MYH3: variants seen among roughly 807,000 people sequenced by gnomAD.
The protein encoded by MYH3 is myosin heavy chain 3.
A neutral mutation model predicts 238.0 loss-of-function variants in MYH3; 130 were observed. The observed-to-expected ratio is 0.55, with a 90% confidence interval of 0.47 to 0.63. MYH3 has a LOEUF of 0.63. MYH3 is among the 30% of genes least tolerant of loss of function. MYH3 has a pLI of 0.00. For synonymous variants in MYH3, 880 were observed against 924.1 expected, an observed-to-expected ratio of 0.95 and a Z score of 0.86; for missense variants, 1,853 against 2,374.9, an observed-to-expected ratio of 0.78 and a Z score of 4.57.
rs1225495030 is a variant in MYH3, at chr17:10,635,008, C to G, written c.4188G>C (p.Gln1396His). 4 of 1,614,082 alleles carry G rather than the reference C, an allele frequency of 2.5e-6. No homozygotes were observed. Among genetic ancestry groups the G allele is most frequent in the Non-Finnish European group, 3.4e-6 (4 of 1,180,040 alleles). ...CCTGTTCCTCGGAATCTTGAAGGCGCTGAGCAAGTTTTTTCCTTAAAGAAT... is the reference window on the plus strand; with the variant it reads ...CCTGTTCCTCGGAATCTTGAAGGCGGTGAGCAAGTTTTTTCCTTAAAGAAT... Reference protein sequence around the residue: ...ELEEAKKKLAQRLQDSEEQVE... With the variant: ...ELEEAKKKLAHRLQDSEEQVE... Residue 1396 changes from glutamine (Q) to histidine (H), a missense_variant, in exon 31 of 41, where the codon CAG becomes CAC. This residue lies in a region of MYH3 where 1,044 missense variants were observed against 1,192.6 expected (regional missense o/e 0.88). Transcript: ENST00000583535.
chr17:10,631,857 C>T lies in MYH3; in HGVS notation c.5116G>A (p.Glu1706Lys), dbSNP rs1230782796. The T allele has an allele frequency of 4.3e-6, 7 of 1,614,060 alleles. No individual in the cohort carries two copies. The highest frequency in any genetic ancestry group is 5.9e-6 in the Non-Finnish European group (7 of 1,180,054). ...ACCCTCTCGTTGGAGTCCAGGAGCT[C>T]CTGTTCCGCCAGTTTCCGGGCCCTC... The part of the protein sequence containing the change: ...TERARKLAEQ[E>K]LLDSNERVQL... Residue 1706 changes from glutamate (E) to lysine (K), a missense_variant, in exon 35 of 41, where the codon GAG becomes AAG. Transcript: ENST00000583535.
At position 10,634,006 on chromosome 17, in the gene MYH3, G is replaced by C. The variant is rs200139568; in HGVS notation, c.4522+11C>G. 1 of 1,613,146 alleles carries C rather than the reference G, an allele frequency of 6.2e-7. No individual in the cohort carries two copies. Among genetic ancestry groups the C allele is most frequent in the East Asian group, 2.2e-5 (1 of 44,874 alleles). ...AAAGGAGGAGGTTTCAGAGGGTTTC[G>C]AATAGCTTACGCTCTAAGTTCTTAT... On this transcript the variant is annotated intron_variant, in intron 32 of 40. Transcript: ENST00000583535.
At chr17:10,669,904 C>G in the MYH3 span, among the ~76,000 whole-genome samples, 2 of 152,148 alleles carry the variant, frequency 1.3e-5, no homozygotes, top group African/African-American at 2.4e-5. Flanking sequence ...GACTGAGACC[C>G]TGTCTCAAAA....
At chr17:10,646,564 C>G (rs903688223) in intron 10 of MYH3, among the ~76,000 whole-genome samples, 23 of 152,136 alleles carry the variant, frequency 1.5e-4, no homozygotes, top group Admixed American at 1.4e-3. Flanking sequence ...GCTTTGGCGT[C>G]GCATTTGGCC....
At chr17:10,652,135 G>A (rs1284704040) in intron 4 of MYH3, 2 of 482,312 alleles carry the variant, frequency 4.1e-6, no homozygotes, top group Non-Finnish European at 7.6e-6. Context: ...CTCAAAAAGG[G>A]GAGTGGCGAC....
intron 1 of MYH3, among the ~76,000 whole-genome samples, 180 bp from the exon 2 acceptor site, chr17:10,656,328 C>T (rs545809162): frequency 3.9e-5 from 6 of 152,254 alleles, no homozygotes; most frequent in Admixed American, 2.6e-4. Context: ...GAGTTTGAGA[C>T]CAGTCTGGCC....
chr17:10,665,250 C>G, the MYH3 span, among the ~76,000 whole-genome samples: 1 of 152,134 alleles, frequency 6.6e-6, no homozygotes, highest in Non-Finnish European at 1.5e-5. Context: ...TCAAGCGATT[C>G]TCCTGCCTCA....
chr17:10,663,210 G>A, the MYH3 span, among the ~76,000 whole-genome samples: 1 of 152,208 alleles, frequency 6.6e-6, no homozygotes, highest in Non-Finnish European at 1.5e-5. Flanking sequence ...GAGACAGCCT[G>A]GTCTCTGTCT....
chr17:10,675,767 T>C, the MYH3 span: 1 of 152,144 alleles, frequency 6.6e-6, no homozygotes, highest in Non-Finnish European at 1.5e-5. Flanking sequence ...CGAGGACAAA[T>C]GCGTTAGTCT....
Position 10,646,004 on chromosome 17 carries a change from G to C in MYH3, c.927C>G (p.Tyr309Ter), listed in dbSNP as rs199987136. The change falls in exon 11 of 41, where the codon TAC (tyrosine) becomes TAG (stop). Residue 309 changes from tyrosine (Y) to a stop codon, truncating the protein, a stop_gained. Coordinates refer to ENST00000583535, the MANE Select transcript of MYH3 (RefSeq NM_002470.4). LOFTEE classifies it high-confidence loss of function. ...CCCCCTGGCTAATGAACGGGTAGTC[G>C]TAAGGGTTGGTCGTAATAAGCAGCA... ...IELLLITTNP[Y>*]DYPFISQGEI... is the part of the protein sequence containing the mutation. 1.2e-6 allele frequency: 2 copies of C among 1,613,976 alleles called. No homozygotes were observed. Among genetic ancestry groups the C allele is most frequent in the Non-Finnish European group, 1.7e-6 (2 of 1,179,958 alleles).
In MYH3 at chr17:10,636,571, CAT is replaced by C. The variant is rs551184829; in HGVS notation, c.3857-720_3857-719del. Reference sequence around the variant, plus strand: ...TGCTTACATAGAGGTAAGAGAAAAACATAGAATGGGGCTTTATGGCTCCAGAC... The same window carrying C: ...TGCTTACATAGAGGTAAGAGAAAAACAGAATGGGGCTTTATGGCTCCAGAC... On this transcript the variant is annotated intron_variant, in intron 28 of 40. Transcript: ENST00000583535. 4.4e-3 allele frequency among the ~76,000 whole-genome samples: 674 copies of C among 152,196 alleles called. 8 individuals are homozygous for C. Among genetic ancestry groups the C allele is most frequent in the African/African-American group, 0.015 (622 of 41,536 alleles).
chr17:10,678,293 G>A, the MYH3 span: 1 of 152,170 alleles, frequency 6.6e-6, no homozygotes, highest in African/African-American at 2.4e-5. Flanking sequence ...CCCGAGTTTT[G>A]CGCCTTAATT....
At chr17:10,644,275 A>C in intron 14 of MYH3, 76 bp downstream of exon 14, 1 of 1,477,520 alleles carries the variant, frequency 6.8e-7, no homozygotes, top group Non-Finnish European at 9.4e-7. Flanking sequence ...CCATCTTGCT[A>C]TCTTCCCTTT....
intron 39 of MYH3, 27 bp from the exon 40 acceptor site, chr17:10,629,761 A>G (rs961662614): frequency 4.3e-6 from 7 of 1,614,084 alleles, no homozygotes; most frequent in East Asian, 2.2e-5. Context: ...CAGGCAGGTT[A>G]TATCAGCACG....
At chr17:10,635,936 A>G in intron 28 of MYH3, 83 bp from the exon 29 acceptor site, 1 of 1,144,328 alleles carries the variant, frequency 8.7e-7, no homozygotes, top group Non-Finnish European at 1.3e-6. Context: ...GCACTGTGCT[A>G]AGATCTGGGG....
chr17:10,631,768 C>A (rs746331529), intron 35 of MYH3, 32 bp from the exon 36 acceptor site: 37 of 1,614,026 alleles, frequency 2.3e-5, no homozygotes, highest in Non-Finnish European at 3.1e-5. Context: ...TAACCAGGTG[C>A]GTATGAGGCT....
the MYH3 span, chr17:10,673,157 C>A: frequency 6.6e-6 from 1 of 152,222 alleles, no homozygotes; most frequent in Non-Finnish European, 1.5e-5. Context: ...GCGCCCGCCA[C>A]CACGTCTAGC....
intron 3 of MYH3, among the ~76,000 whole-genome samples, chr17:10,652,849 C>T (rs1160641533): frequency 6.6e-6 from 1 of 151,752 alleles, no homozygotes; most frequent in African/African-American, 2.4e-5. Context: ...TCTCGATCTC[C>T]TGACCTCGTG....
At chr17:10,657,400 C>T (rs575272478), upstream of MYH3, 1 of 152,216 alleles carries the variant, frequency 6.6e-6, no homozygotes, top group African/African-American at 2.4e-5. Context: ...GATGAGTGGC[C>T]CCCCCAAGCC....
Sources: allele counts gnomAD v4.1 joint callset (sites outside exome capture counted in the v4.1 genomes callset), GRCh38; gene constraint gnomAD v4.1.1; regional missense constraint gnomAD v4.1.1; transcripts MANE v1.5; gene names NCBI Gene and HGNC (gene_info 2026-07-23, HGNC 2026-07-21).